Variants in FN1 observed in about 807,000 individuals in gnomAD.
FN1 encodes fibronectin 1, also known as fibronectin.
Under a neutral mutation model 297.3 loss-of-function variants are expected in FN1, and 106 were observed. The ratio of observed to expected loss-of-function variants is 0.36; its 90% CI spans 0.30 to 0.42. The LOEUF is 0.42. FN1 is among the 10% of genes least tolerant of loss of function. The pLI, the probability that FN1 is intolerant of heterozygous loss-of-function variation, is 1.00. For missense variants in FN1, 2,690 were observed against 3,124.9 expected, an observed-to-expected ratio of 0.86 and a Z score of 3.32; for synonymous variants, 1,149 against 1,152.6, an observed-to-expected ratio of 1.00 and a Z score of 0.06.
intron 26 of FN1, among the ~76,000 whole-genome samples, chr2:215,388,912 CTTCTT>C (rs2059365536): frequency 6.6e-6 from 1 of 152,064 alleles, no homozygotes; most frequent in South Asian, 2.1e-4. Flanking sequence ...GAGAAGTTAT[CTTCTT>C]TAATTTACTT....
At chr2:215,417,772 T>C (rs1310720967) in intron 12 of FN1, among the ~76,000 whole-genome samples, 1 of 152,184 alleles carries the variant, frequency 6.6e-6, no homozygotes, top group Non-Finnish European at 1.5e-5. Context: ...GGTCAACATG[T>C]AATACTCCAA....
intron 23 of FN1, among the ~76,000 whole-genome samples, chr2:215,396,337 T>C (rs2060312016): frequency 6.6e-6 from 1 of 152,220 alleles, no homozygotes; most frequent in Admixed American, 6.5e-5. Context: ...AATGGGTATC[T>C]AAAATTTCCT....
intron 17 of FN1, among the ~76,000 whole-genome samples, chr2:215,407,645 G>A (rs1465883886): frequency 6.6e-6 from 1 of 152,104 alleles, no homozygotes; most frequent in African/African-American, 2.4e-5. Context: ...AGCTCCAGAC[G>A]AGGGAAGCAA....
intron 42 of FN1, 117 bp downstream of exon 42, chr2:215,367,746 G>T: frequency 1.0e-6 from 1 of 1,004,902 alleles, no homozygotes; most frequent in Non-Finnish European, 1.5e-6. Context: ...GTATTCTCTT[G>T]TTTGCTTCAT....
intron 23 of FN1, among the ~76,000 whole-genome samples, chr2:215,394,989 C>T (rs549242947): frequency 6.6e-6 from 1 of 152,140 alleles, no homozygotes; most frequent in Non-Finnish European, 1.5e-5. Context: ...CTTCAACCTC[C>T]GCCAAGATCC....
intron 15 of FN1, among the ~76,000 whole-genome samples, chr2:215,408,789 C>T (rs942865914): frequency 1.3e-5 from 2 of 152,028 alleles, no homozygotes; most frequent in South Asian, 2.1e-4. Context: ...AGGCTGATCT[C>T]GAACTCCTGG....
intron 36 of FN1, 105 bp downstream of exon 36, chr2:215,376,393 C>T (rs1257763249): frequency 2.5e-5 from 26 of 1,050,480 alleles, no homozygotes; most frequent in Non-Finnish European, 3.7e-5. Flanking sequence ...ATGATGATAA[C>T]ACTGAAAATA....
chr2:215,415,058 T>C, intron 12 of FN1, 100 bp from the exon 13 acceptor site: 1 of 874,638 alleles, frequency 1.1e-6, no homozygotes, highest in African/African-American at 1.7e-5. Flanking sequence ...GCTTTGCTTG[T>C]CGTTAAATGT....
chr2:215,401,352 A>G (rs2061145101), intron 20 of FN1, among the ~76,000 whole-genome samples: 1 of 152,072 alleles, frequency 6.6e-6, no homozygotes, highest in Admixed American at 6.5e-5. Context: ...GAAAGGAAAG[A>G]AAAAGAAAGA....
intron 18 of FN1, 89 bp downstream of exon 18, chr2:215,407,038 T>C (rs1381745164): frequency 3.1e-6 from 3 of 970,008 alleles, no homozygotes; most frequent in Non-Finnish European, 5.0e-6. Flanking sequence ...ATTTCTTGAA[T>C]GAGAGGACTG....
chr2:215,423,556 A>C, intron 8 of FN1, 30 bp from the exon 9 acceptor site: 1 of 1,607,066 alleles, frequency 6.2e-7, no homozygotes, highest in Non-Finnish European at 8.5e-7. Context: ...ACAAAGAAGG[A>C]AAAGATTACC....
chr2:215,381,010 G>T lies in FN1; in HGVS notation c.5235C>A (p.Ser1745Arg). ...DVDSIKIAWE[S>R]PQGQVSRYRV... ...TGTACCTGGAAACTTGCCCCTGTGG[G>T]CTTTCCCAAGCAATTTTGATGGAAT... The change falls in exon 33 of 46, where the codon AGC (serine) becomes AGA (arginine). Residue 1745 changes from serine (S) to arginine (R), a missense_variant. Physicochemically the swap from Ser to Arg is moderately radical, Grantham distance 110. This residue lies in a region of FN1 where 1,743 missense variants were observed against 1,945.2 expected (regional missense o/e 0.90). Coordinates refer to ENST00000354785, the MANE Select transcript of FN1 (RefSeq NM_212482.4). The T allele has an allele frequency of 6.2e-7, 1 of 1,614,232 alleles. No homozygotes were observed. The highest frequency in any genetic ancestry group is 8.5e-7 in the Non-Finnish European group (1 of 1,180,040).
intron 20 of FN1, among the ~76,000 whole-genome samples, chr2:215,403,951 G>T (rs891635217): frequency 1.3e-5 from 2 of 152,134 alleles, no homozygotes; most frequent in African/African-American, 4.8e-5. Context: ...GTAGACATAG[G>T]TGCTAATTTT....
chr2:215,419,582 T>A (rs2063920479), intron 11 of FN1, among the ~76,000 whole-genome samples, 197 bp from the exon 12 acceptor site: 1 of 152,126 alleles, frequency 6.6e-6, no homozygotes, highest in Non-Finnish European at 1.5e-5. Context: ...CCAAAGTACC[T>A]ATTAGGAGGA....
At chr2:215,426,969 GGGT>G (rs1233456400) in intron 6 of FN1, among the ~76,000 whole-genome samples, 1 of 151,694 alleles carries the variant, frequency 6.6e-6, no homozygotes, top group Non-Finnish European at 1.5e-5. Flanking sequence ...TCCACCTCCC[GGGT>G]TCATGCCATT....
rs1210149537 is a variant in FN1 at position 215,364,732 on chromosome 2, T to C, written c.7251+147A>G. On this transcript the variant is annotated intron_variant, in intron 44 of 45. Transcript: ENST00000354785. ...TAGACATAGAGCTGCTCTAGAGCTC[T>C]ATGTCAGCAGTTGTATGCCAACAGG... is the stretch of plus-strand genomic sequence containing the variant. The C allele has an allele frequency of 7.3e-6, 5 of 688,754 alleles. No individual in the cohort carries two copies. In the East Asian group the frequency reaches 1.3e-4, roughly 19 times the overall value. 42.7% of individuals were successfully genotyped at this position (688,754 alleles called of 1,614,324 possible).
chr2:215,424,316 T>C lies in FN1; in HGVS notation c.1046A>G (p.Gln349Arg). The C allele has an allele frequency of 6.2e-7, 1 of 1,613,828 alleles. No homozygotes were observed. The highest frequency in any genetic ancestry group is 8.5e-7 in the Non-Finnish European group (1 of 1,179,700). The change falls in exon 8 of 46, where the codon CAG (glutamine) becomes CGG (arginine). Residue 349 changes from glutamine (Q) to arginine (R), a missense_variant. By Grantham distance (43) the Gln-to-Arg change is conservative. Transcript: ENST00000354785. Reference sequence around the variant, plus strand: ...TCCATTTGAGTTGCCACCGTAAGTCTGGGTTACAGCTACAATCATAATCAA... The same window carrying C: ...TCCATTTGAGTTGCCACCGTAAGTCCGGGTTACAGCTACAATCATAATCAA... ...GVSCQETAVT[Q>R]TYGGNSNGEP...
intron 24 of FN1, among the ~76,000 whole-genome samples, chr2:215,394,222 C>T (rs539669164): frequency 1.3e-5 from 2 of 152,270 alleles, no homozygotes; most frequent in Admixed American, 6.5e-5. Flanking sequence ...AGTACAGACA[C>T]GTGACAGTGT....
chr2:215,404,766 A>G (rs367578631), intron 19 of FN1, 111 bp from the exon 20 acceptor site: 4 of 1,055,104 alleles, frequency 3.8e-6, no homozygotes, highest in East Asian at 4.8e-5. Context: ...GGTTGTAACT[A>G]TGTGAAAGTC....
Sources: gnomAD v4.1 joint callset for allele counts (sites outside exome capture counted in the v4.1 genomes callset) on GRCh38, gnomAD v4.1.1 for gene constraint, gnomAD v4.1.1 regional missense constraint, MANE v1.5 for transcripts, NCBI Gene and HGNC (gene_info 2026-07-23, HGNC 2026-07-21) for gene names.